Variants in EDC3 observed in about 807,000 individuals in gnomAD.
The protein encoded by EDC3 is enhancer of mRNA decapping 3, also known as enhancer of mRNA-decapping protein 3.
EDC3 carries 20 observed loss-of-function variants against 41.8 expected under a neutral mutation model. That is an observed-to-expected ratio of 0.48 (90% CI 0.34 to 0.70). The LOEUF is 0.70. Among genes scored for constraint, EDC3 ranks in the 30% least tolerant of loss-of-function variants. The probability of loss-of-function intolerance (pLI) is 0.01; values close to 1 mark genes in which losing one functional copy is unlikely to be tolerated. For synonymous variants in EDC3, 206 were observed against 243.2 expected (o/e 0.85, Z 1.42); for missense variants, 444 against 636.8 (o/e 0.70, Z 3.26).
rs567550767 is a variant in EDC3, at chr15:74,682,678, T to G, written c.-18-7536A>C. Among the ~76,000 whole-genome samples, 4 of 150,740 alleles carry G rather than the reference T, an allele frequency of 2.7e-5. No homozygotes were observed. In the East Asian group the frequency reaches 5.9e-4, roughly 22 times the overall value. On this transcript the variant is annotated intron_variant, in intron 1 of 6. Coordinates refer to ENST00000315127, the MANE Select transcript of EDC3 (RefSeq NM_025083.5). ...TGCAACTACAATATGACCCAGCAGT[T>G]GCACTTCTGGTCATTTATCCCAGAG...
chr15:74,676,137 A>T (rs1477719677), intron 1 of EDC3, among the ~76,000 whole-genome samples: 1 of 152,198 alleles, frequency 6.6e-6, no homozygotes, highest in Non-Finnish European at 1.5e-5. Flanking sequence ...ATTAAGCAAG[A>T]CATTTCCAAA....
At chr15:74,649,052 C>G (rs1288425647) in intron 4 of EDC3, among the ~76,000 whole-genome samples, 1 of 150,826 alleles carries the variant, frequency 6.6e-6, no homozygotes, top group Non-Finnish European at 1.5e-5. Context: ...ACCATCACAC[C>G]CTGGCTAATT....
At chr15:74,644,654 A>G (rs2141591705) in intron 4 of EDC3, 1 of 45,670 alleles carries the variant, frequency 2.2e-5, no homozygotes, top group Admixed American at 2.1e-4. Context: ...TAAAGTGTAC[A>G]TATATATATA....
At chr15:74,635,954 T>TAATGA in intron 5 of EDC3, 3 of 311,364 alleles carry the variant, frequency 9.6e-6, no homozygotes, top group South Asian at 8.4e-5. Context: ...TCTGCTCTTC[T>TAATGA]TCCCCAACGT....
intron 4 of EDC3, 121 bp downstream of exon 4, chr15:74,655,612 C>T: frequency 9.9e-7 from 1 of 1,013,650 alleles, no homozygotes; most frequent in Non-Finnish European, 1.4e-6. Context: ...CCGGGCCAGC[C>T]ACCAAGCCAC....
At chr15:74,641,110 G>C (rs2141584008) in intron 4 of EDC3, 1 of 155,880 alleles carries the variant, frequency 6.4e-6, no homozygotes, top group Middle Eastern at 3.1e-3. Flanking sequence ...CTCCTCAACT[G>C]TAGGGCAGGA....
chr15:74,689,074 C>T (rs1027836207), intron 1 of EDC3, among the ~76,000 whole-genome samples: 5 of 152,094 alleles, frequency 3.3e-5, no homozygotes, highest in Non-Finnish European at 7.4e-5. Context: ...TGACTTATTA[C>T]AAATAATATT....
intron 1 of EDC3, among the ~76,000 whole-genome samples, chr15:74,677,540 T>C (rs1255218204): frequency 6.6e-6 from 1 of 152,016 alleles, no homozygotes; most frequent in Non-Finnish European, 1.5e-5. Context: ...ATTTTTGTTG[T>C]TGTTTTTTTT....
At chr15:74,684,418 G>A (rs1182117652) in intron 1 of EDC3, among the ~76,000 whole-genome samples, 1 of 146,348 alleles carries the variant, frequency 6.8e-6, no homozygotes, top group Non-Finnish European at 1.5e-5. Flanking sequence ...TGCCTACCTC[G>A]GCCTCCCAAA....
chr15:74,663,055 G>A (rs1167183030), intron 3 of EDC3, among the ~76,000 whole-genome samples: 1 of 152,230 alleles, frequency 6.6e-6, no homozygotes, highest in Non-Finnish European at 1.5e-5. Context: ...GGGAGGCCAA[G>A]GCGGGTGGAT....
At chr15:74,641,646 A>T (rs561172904) in intron 4 of EDC3, 1 of 152,830 alleles carries the variant, frequency 6.5e-6, no homozygotes. Flanking sequence ...CCAGTGGACC[A>T]ACCAACGCAG....
chr15:74,671,635 T>C lies in EDC3; in HGVS notation c.304A>G (p.Lys102Glu), dbSNP rs777978304. 3 of 1,614,152 alleles carry C rather than the reference T, an allele frequency of 1.9e-6. No homozygotes were observed. The highest frequency in any genetic ancestry group is 2.5e-6 in the Non-Finnish European group (3 of 1,180,038). ...QVGINQNGTG[K>E]FVKKPASSSS... ...GAAGAGGCTGGCTTCTTGACAAACT[T>C]GCCTGTGCCATTCTGATTGATGCCC... Residue 102 changes from lysine (K) to glutamate (E), a missense_variant, in exon 3 of 7, where the codon AAG becomes GAG. Coordinates refer to ENST00000315127, the MANE Select transcript of EDC3 (RefSeq NM_025083.5). This position sits in a 1 kb window ranked among gnomAD's most constrained non-coding sequence, Gnocchi z 4.6.
intron 6 of EDC3, chr15:74,635,071 A>G (rs753656078): frequency 1.0e-4 from 51 of 510,864 alleles, no homozygotes; most frequent in Non-Finnish European, 1.1e-4. Context: ...CAAGTATGTT[A>G]CATGTCTTTT....
intron 1 of EDC3, among the ~76,000 whole-genome samples, chr15:74,686,396 G>A (rs1241682312): frequency 6.7e-6 from 1 of 149,666 alleles, no homozygotes; most frequent in African/African-American, 2.5e-5. Flanking sequence ...CTGAGGCAGG[G>A]GAGTCACTTG....
chr15:74,650,418 T>C (rs7497749), intron 4 of EDC3, among the ~76,000 whole-genome samples: 6,590 of 152,240 alleles, frequency 0.043, 275 homozygotes, highest in South Asian at 0.19. Flanking sequence ...CCCATGAATA[T>C]CTTCCTCTTT....
intron 1 of EDC3, chr15:74,695,651 A>C (rs2063056579): frequency 6.6e-6 from 1 of 152,348 alleles, no homozygotes; most frequent in African/African-American, 2.4e-5. Context: ...CTCCCCACAC[A>C]ATCCCCATAC....
chr15:74,668,172 T>C (rs1270382528), intron 3 of EDC3, among the ~76,000 whole-genome samples: 1 of 152,122 alleles, frequency 6.6e-6, no homozygotes, highest in Non-Finnish European at 1.5e-5. Flanking sequence ...TCAAAATGTC[T>C]AGGTCATCAA....
At position 74,683,018 on chromosome 15, in the gene EDC3, G is replaced by A. The variant is rs184623984; in HGVS notation, c.-18-7876C>T. Among the ~76,000 whole-genome samples, 14 of 152,036 alleles carry A rather than the reference G, an allele frequency of 9.2e-5. No homozygotes were observed. In the East Asian group the frequency reaches 2.5e-3, roughly 27 times the overall value. ...TTCTGGGCAACAAGAGCGAAACTCT[G>A]TCTCAGAAAAAAAATAAAATAAAAT... On this transcript the variant is annotated intron_variant, in intron 1 of 6. Transcript: ENST00000315127.
Position 74,650,008 on chromosome 15 carries a change from T to C in EDC3, c.820+5725A>G, listed in dbSNP as rs1171849968. The stretch of plus-strand genomic sequence containing the variant: ...CACTCAACCCTGTTTTCAATCATCA[T>C]AGCCTATCAAATTGCCCTCTGTTGC... On this transcript the variant is annotated intron_variant, in intron 4 of 6. Transcript: ENST00000315127. Among the ~76,000 whole-genome samples, 6 of 152,308 alleles carry C rather than the reference T, an allele frequency of 3.9e-5. No homozygotes were observed. In the South Asian group the frequency reaches 6.2e-4, roughly 16 times the overall value.
Sources: allele counts gnomAD v4.1 joint callset (sites outside exome capture counted in the v4.1 genomes callset), GRCh38; gene constraint gnomAD v4.1.1; non-coding constraint Gnocchi (gnomAD v3.1); transcripts MANE v1.5; gene names NCBI Gene and HGNC (gene_info 2026-07-23, HGNC 2026-07-21).